Variants in RECK observed in about 807,000 individuals in gnomAD.
RECK encodes the protein reversion inducing cysteine rich protein with kazal motifs, also known as reversion-inducing cysteine-rich protein with Kazal motifs.
Under a neutral mutation model 115.1 loss-of-function variants are expected in RECK, and 69 were observed. The ratio of observed to expected loss-of-function variants is 0.60; its 90% CI spans 0.49 to 0.73. The LOEUF is 0.73. Among genes scored for constraint, RECK ranks in the 30% least tolerant of loss-of-function variants. The probability of loss-of-function intolerance (pLI) is 0.00; values close to 1 mark genes in which losing one functional copy is unlikely to be tolerated. For missense variants in RECK, 1,047 were observed against 1,203.7 expected (o/e 0.87, Z 1.93); for synonymous variants, 414 against 419.7 (o/e 0.99, Z 0.17).
chr9:36,108,951 C>T (rs1425276843), intron 14 of RECK, among the ~76,000 whole-genome samples: 2 of 152,028 alleles, frequency 1.3e-5, no homozygotes, highest in Non-Finnish European at 2.9e-5. Context: ...ACCCCTTCAA[C>T]CATAGTAGTT....
intron 10 of RECK, among the ~76,000 whole-genome samples, chr9:36,095,989 AC>A (rs1467273152): frequency 1.3e-5 from 2 of 149,836 alleles, no homozygotes; most frequent in Admixed American, 6.7e-5. Context: ...AATCTCTTGA[AC>A]CTGGGAGGCG....
chr9:36,058,894 AGACAATGGTAAGTC>A lies in RECK; in HGVS notation c.228_234+7del. On this transcript the variant is annotated splice_donor_variant and splice_donor_5th_base_variant and coding_sequence_variant and intron_variant, in exon 3 of 21. Coordinates refer to ENST00000377966, the MANE Select transcript of RECK (RefSeq NM_021111.3). LOFTEE classifies it high-confidence loss of function. ...CAGCGAGCCCCAGATTATTGCCCAG[AGACAATGGTAAGTC>A]TTATTGTAACTTAACTGTAGAAGCT... The A allele has an allele frequency of 6.4e-7, 1 of 1,566,830 alleles. No homozygotes were observed. Among genetic ancestry groups the A allele is most frequent in the Non-Finnish European group, 8.7e-7 (1 of 1,151,978 alleles).
Position 36,036,971 on chromosome 9 carries a change from C to T in RECK, c.-28C>T, listed in dbSNP as rs772133633. 5.4e-5 allele frequency: 75 copies of T among 1,387,244 alleles called. No individual in the cohort carries two copies. The African/African-American group carries it at 9.5e-4, about 18-fold the overall frequency. The allele number at this position is 1,387,244 out of a possible 1,614,324, so 85.9% of individuals were successfully genotyped here. A position where few individuals can be genotyped will look rare whatever the true frequency, so the allele number is the denominator to read the frequency against. ...GCGGCCAAGCTGGGTCCGAGCATCC[C>T]GCGGCTCTGGAGCCGCCCGGCCCGG... On this transcript the variant is annotated 5_prime_UTR_variant, in exon 1 of 21. Coordinates refer to ENST00000377966, the MANE Select transcript of RECK (RefSeq NM_021111.3).
chr9:36,061,164 C>T (rs1176452042), intron 4 of RECK, among the ~76,000 whole-genome samples: 1 of 152,034 alleles, frequency 6.6e-6, no homozygotes, highest in Non-Finnish European at 1.5e-5. Flanking sequence ...AACCCAAACT[C>T]TCTAGCCTGA....
intron 12 of RECK, among the ~76,000 whole-genome samples, chr9:36,104,761 A>T (rs1235872109): frequency 6.6e-6 from 1 of 152,052 alleles, no homozygotes; most frequent in Admixed American, 6.5e-5. Context: ...CGCCCGCCTC[A>T]GCCTCCCAAA....
intron 6 of RECK, among the ~76,000 whole-genome samples, chr9:36,066,586 C>T (rs1339933892): frequency 1.3e-5 from 2 of 152,046 alleles, no homozygotes; most frequent in Admixed American, 1.3e-4. Context: ...GACAAATTTC[C>T]AAATTATAGC....
intron 6 of RECK, among the ~76,000 whole-genome samples, chr9:36,071,671 A>C (rs1822235042): frequency 6.6e-6 from 1 of 152,220 alleles, no homozygotes; most frequent in Non-Finnish European, 1.5e-5. Context: ...TCATTAAGGA[A>C]GGTGAGAAAC....
chr9:36,051,253 C>T (rs77309943), intron 1 of RECK, among the ~76,000 whole-genome samples: 114 of 152,234 alleles, frequency 7.5e-4, no homozygotes, highest in Non-Finnish European at 1.4e-3. Flanking sequence ...CTTGTTCTGT[C>T]AGAGGAACAT....
At chr9:36,075,761 A>G (rs527415435) in intron 6 of RECK, among the ~76,000 whole-genome samples, 1 of 152,352 alleles carries the variant, frequency 6.6e-6, no homozygotes, top group East Asian at 1.9e-4. Flanking sequence ...TTAGAAACAA[A>G]GTAGCCCCTT....
chr9:36,040,779 G>A (rs2132543595), intron 1 of RECK, among the ~76,000 whole-genome samples: 1 of 151,392 alleles, frequency 6.6e-6, no homozygotes, highest in East Asian at 2.0e-4. Context: ...GATGTGGGAA[G>A]TGAGGGAAGA....
intron 2 of RECK, among the ~76,000 whole-genome samples, chr9:36,054,663 G>A (rs1029829876): frequency 2.0e-5 from 3 of 152,062 alleles, no homozygotes; most frequent in African/African-American, 7.2e-5. Flanking sequence ...ATCAACTGGA[G>A]CAAGGGAGCT....
At chr9:36,053,565 C>A (rs1308689637) in intron 2 of RECK, among the ~76,000 whole-genome samples, 1 of 152,108 alleles carries the variant, frequency 6.6e-6, no homozygotes, top group Non-Finnish European at 1.5e-5. Flanking sequence ...ACATTTACTG[C>A]CAGAAGAATA....
intron 10 of RECK, among the ~76,000 whole-genome samples, chr9:36,093,482 A>G (rs1419514311): frequency 6.6e-6 from 1 of 152,172 alleles, no homozygotes. Context: ...AAAAAACCAC[A>G]TGGAAACTCT....
chr9:36,105,338 T>C, intron 13 of RECK, 55 bp downstream of exon 13: 1 of 1,570,860 alleles, frequency 6.4e-7, no homozygotes, highest in Middle Eastern at 1.7e-4. Flanking sequence ...AGTGTTTCTT[T>C]ATAGGAGCTA....
chr9:36,062,620 G>A (rs754801084), intron 4 of RECK, among the ~76,000 whole-genome samples: 23 of 152,040 alleles, frequency 1.5e-4, no homozygotes, highest in Non-Finnish European at 2.8e-4. Context: ...TTGGACTACA[G>A]GTGTGTGCCA....
chr9:36,115,904 A>C (rs926080086), intron 16 of RECK, among the ~76,000 whole-genome samples: 1 of 152,166 alleles, frequency 6.6e-6, no homozygotes, highest in Non-Finnish European at 1.5e-5. Context: ...TAAACCCTTT[A>C]TAAAAATTAG....
At chr9:36,062,894 G>T (rs934293875) in intron 4 of RECK, among the ~76,000 whole-genome samples, 1 of 152,106 alleles carries the variant, frequency 6.6e-6, no homozygotes, top group Non-Finnish European at 1.5e-5. Flanking sequence ...CAGCAGTTTG[G>T]GAGGTCAAGG....
intron 18 of RECK, among the ~76,000 whole-genome samples, chr9:36,120,334 T>C (rs865884925): frequency 2.0e-5 from 3 of 152,236 alleles, no homozygotes; most frequent in Middle Eastern, 3.4e-3. Context: ...GGCAGAAGCA[T>C]TTGCCCAGAA....
At chr9:36,090,656 A>G (rs1823123590) in intron 9 of RECK, among the ~76,000 whole-genome samples, 1 of 152,220 alleles carries the variant, frequency 6.6e-6, no homozygotes, top group Non-Finnish European at 1.5e-5. Flanking sequence ...GCTTTGGAAT[A>G]TCTTAGGGAA....
Sources: gnomAD v4.1 joint callset for allele counts (sites outside exome capture counted in the v4.1 genomes callset) on GRCh38, gnomAD v4.1.1 for gene constraint, MANE v1.5 for transcripts, NCBI Gene and HGNC (gene_info 2026-07-23, HGNC 2026-07-21) for gene names.